Variants in UBE4B observed in about 807,000 individuals in gnomAD.
The protein encoded by UBE4B is ubiquitination factor E4B, also known as ubiquitin conjugation factor E4 B.
UBE4B carries 27 observed loss-of-function variants against 148.1 expected under a neutral mutation model. That is an observed-to-expected ratio of 0.18 (90% CI 0.13 to 0.25). UBE4B has a LOEUF of 0.25. UBE4B is among the 10% of genes least tolerant of loss of function. The pLI is 1.00. For missense variants in UBE4B, 1,170 were observed against 1,662.4 expected, an observed-to-expected ratio of 0.70 and a Z score of 5.15; for synonymous variants, 596 against 619.3, an observed-to-expected ratio of 0.96 and a Z score of 0.56.
At position 10,034,531 on chromosome 1, in the gene UBE4B, A is replaced by G. The variant is rs368234012; in HGVS notation, c.24+837A>G. The stretch of plus-strand genomic sequence containing the variant: ...GCAATTAGGGTACAAGGAATTTCCT[A>G]TGATTCTACTGCCTTTTCTCTTCCT... On this transcript the variant is annotated intron_variant, in intron 1 of 27. Transcript: ENST00000343090. Among the ~76,000 whole-genome samples, 4 of 152,052 alleles carry G rather than the reference A, an allele frequency of 2.6e-5. No homozygotes were observed. The South Asian group carries it at 8.3e-4, about 32-fold the overall frequency.
intron 25 of UBE4B, among the ~76,000 whole-genome samples, chr1:10,175,594 T>G (rs981399519): frequency 6.6e-6 from 1 of 151,906 alleles, no homozygotes; most frequent in African/African-American, 2.4e-5. Flanking sequence ...GAGCTTGCAG[T>G]GAGCCGAGAT....
chr1:10,138,636 CT>C (rs1224201522), intron 17 of UBE4B, among the ~76,000 whole-genome samples: 2 of 151,340 alleles, frequency 1.3e-5, no homozygotes, highest in East Asian at 1.9e-4. Flanking sequence ...ATTTCTTTTA[CT>C]TTTTTTTTCA....
At chr1:10,157,263 T>G (rs898740504) in intron 21 of UBE4B, among the ~76,000 whole-genome samples, 52 of 152,052 alleles carry the variant, frequency 3.4e-4, no homozygotes, top group African/African-American at 1.3e-3. Context: ...TCAAGTGATC[T>G]GCCTGCCTCG....
At chr1:10,066,530 G>A (rs1644391059) in intron 1 of UBE4B, among the ~76,000 whole-genome samples, 1 of 152,020 alleles carries the variant, frequency 6.6e-6, no homozygotes, top group Non-Finnish European at 1.5e-5. Flanking sequence ...GCTTAGATTA[G>A]GCCTACTGTG....
chr1:10,151,162 CAA>C (rs112703239), intron 20 of UBE4B, among the ~76,000 whole-genome samples, 162 bp from the exon 21 acceptor site: 8 of 131,538 alleles, frequency 6.1e-5, no homozygotes, highest in Admixed American at 1.6e-4. Context: ...GACTCTGTCT[CAA>C]AAAAAAAAAA....
chr1:10,097,510 ATAT>A (rs531856580), intron 3 of UBE4B, among the ~76,000 whole-genome samples: 61 of 152,212 alleles, frequency 4.0e-4, no homozygotes, highest in African/African-American at 1.4e-3. Flanking sequence ...CATTTGAAAG[ATAT>A]TATTTTAAAA....
intron 25 of UBE4B, among the ~76,000 whole-genome samples, chr1:10,174,340 C>G (rs1646383483): frequency 6.7e-6 from 1 of 150,064 alleles, no homozygotes; most frequent in African/African-American, 2.5e-5. Flanking sequence ...TTGCAGTGAG[C>G]TGAGATCGCA....
Position 10,180,464 on chromosome 1 carries a change from C to T in UBE4B, c.*508C>T, listed in dbSNP as rs1300951707. ...AAGTAAACTCCTTTCCCTGGCCCTC[C>T]AAACATATATTCTGTGAGATAACTG... On this transcript the variant is annotated 3_prime_UTR_variant, in exon 28 of 28. Transcript: ENST00000343090. 6.5e-6 allele frequency: 1 copy of T among 154,022 alleles called. No homozygotes were observed. Among genetic ancestry groups the T allele is most frequent in the Admixed American group, 6.5e-5 (1 of 15,376 alleles). 9.5% of individuals were successfully genotyped at this position (154,022 alleles called of 1,614,324 possible).
intron 7 of UBE4B, among the ~76,000 whole-genome samples, chr1:10,108,928 TTCTC>T (rs1387679674): frequency 6.6e-6 from 1 of 152,094 alleles, no homozygotes; most frequent in Non-Finnish European, 1.5e-5. Context: ...GTGGGAGAAA[TTCTC>T]TCTCCCTGGC....
At position 10,114,082 on chromosome 1, in the gene UBE4B, A is replaced by G. The variant is rs554038926; in HGVS notation, c.1197-3377A>G. Among the ~76,000 whole-genome samples, 858 of 149,360 alleles carry G rather than the reference A, an allele frequency of 5.7e-3. 6 individuals are homozygous for G. Among genetic ancestry groups the G allele is most frequent in the Non-Finnish European group, 8.4e-3 (567 of 67,848 alleles). On this transcript the variant is annotated intron_variant, in intron 7 of 27. Transcript: ENST00000343090. ...TCCGTCTCAAAAAAAAAAAAAAGAA[A>G]AAAAAAAAAAAAGATGCGTTTCTTC...
intron 25 of UBE4B, among the ~76,000 whole-genome samples, chr1:10,176,274 C>G (rs1646427995): frequency 6.6e-6 from 1 of 152,188 alleles, no homozygotes; most frequent in Non-Finnish European, 1.5e-5. Flanking sequence ...TTGTCTCCAG[C>G]CTTTGGCTCT....
At chr1:10,079,841 A>G (rs1644647474) in intron 2 of UBE4B, among the ~76,000 whole-genome samples, 1 of 152,204 alleles carries the variant, frequency 6.6e-6, no homozygotes, top group Admixed American at 6.5e-5. Context: ...ATTCTTTAAC[A>G]TGTTGACTCA....
chr1:10,055,921 AAAAACAAAAC>A (rs577766523), intron 1 of UBE4B, among the ~76,000 whole-genome samples: 3 of 151,682 alleles, frequency 2.0e-5, no homozygotes, highest in Non-Finnish European at 2.9e-5. Context: ...TCTGTCTCAA[AAAAACAAAAC>A]AAAACAAAAC....
chr1:10,150,146 A>T (rs1179193871), intron 20 of UBE4B, among the ~76,000 whole-genome samples: 1 of 152,212 alleles, frequency 6.6e-6, no homozygotes, highest in African/African-American at 2.4e-5. Context: ...CTTTAAAAAA[A>T]AGCCCAAATC....
intron 16 of UBE4B, among the ~76,000 whole-genome samples, chr1:10,136,536 G>A (rs1044129764): frequency 1.3e-5 from 2 of 151,850 alleles, no homozygotes; most frequent in African/African-American, 2.4e-5. Flanking sequence ...CATTTAACGA[G>A]GTAGGACAGA....
At chr1:10,044,024 A>G (rs1643868108) in intron 1 of UBE4B, among the ~76,000 whole-genome samples, 2 of 151,706 alleles carry the variant, frequency 1.3e-5, no homozygotes, top group Non-Finnish European at 2.9e-5. Flanking sequence ...AGTGACCACA[A>G]TTCCACGTTT....
At chr1:10,098,538 A>T (rs1410437609) in intron 3 of UBE4B, among the ~76,000 whole-genome samples, 1 of 152,158 alleles carries the variant, frequency 6.6e-6, no homozygotes, top group African/African-American at 2.4e-5. Flanking sequence ...TCACTTTTAG[A>T]TGAAGGCAGT....
intron 2 of UBE4B, among the ~76,000 whole-genome samples, chr1:10,092,982 T>C (rs1644874147): frequency 6.6e-6 from 1 of 152,194 alleles, no homozygotes; most frequent in Non-Finnish European, 1.5e-5. Flanking sequence ...AAAAAATGAA[T>C]TCAGATGATC....
At chr1:10,073,695 G>T (rs1282284687) in intron 2 of UBE4B, among the ~76,000 whole-genome samples, 1 of 152,098 alleles carries the variant, frequency 6.6e-6, no homozygotes. Context: ...ACTCCAACCT[G>T]GTGATGGCGT....
Sources: gnomAD v4.1 joint callset for allele counts (sites outside exome capture counted in the v4.1 genomes callset) on GRCh38, gnomAD v4.1.1 for gene constraint, MANE v1.5 for transcripts, NCBI Gene and HGNC (gene_info 2026-07-23, HGNC 2026-07-21) for gene names.